SORCS3: variants seen among roughly 807,000 people sequenced by gnomAD.
SORCS3 encodes VPS10 domain-containing receptor SorCS3.
A neutral mutation model predicts 146.3 loss-of-function variants in SORCS3; 57 were observed. The observed-to-expected ratio is 0.39, with a 90% CI of 0.31 to 0.49. SORCS3 has a LOEUF of 0.49. SORCS3 is among the 20% of genes least tolerant of loss of function. The pLI, the probability that SORCS3 is intolerant of heterozygous loss-of-function variation, is 0.92. For missense variants in SORCS3, 1,341 were observed against 1,575.5 expected, an observed-to-expected ratio of 0.85 and a Z score of 2.52; for synonymous variants, 653 against 618.5, an observed-to-expected ratio of 1.06 and a Z score of -0.83.
chr10:104,668,012 G>A (rs1267837232), intron 1 of SORCS3, among the ~76,000 whole-genome samples: 1 of 152,186 alleles, frequency 6.6e-6, no homozygotes, highest in African/African-American at 2.4e-5. Context: ...TGCCACTTGA[G>A]TTCAAGGCGC....
chr10:104,807,844 T>G (rs1198513684), intron 1 of SORCS3, among the ~76,000 whole-genome samples: 2 of 152,184 alleles, frequency 1.3e-5, no homozygotes, highest in African/African-American at 4.8e-5. Flanking sequence ...AAAAAAAGGC[T>G]TCGTAATTTA....
intron 3 of SORCS3, among the ~76,000 whole-genome samples, chr10:104,957,814 G>A (rs748136022): frequency 8.6e-5 from 13 of 152,046 alleles, no homozygotes; most frequent in Non-Finnish European, 1.6e-4. Flanking sequence ...TCATTACAGA[G>A]ACTACCTGCC....
chr10:105,086,948 CA>C (rs2055665023), intron 5 of SORCS3, among the ~76,000 whole-genome samples: 2 of 152,178 alleles, frequency 1.3e-5, no homozygotes, highest in African/African-American at 4.8e-5. Context: ...GCTTTTGTTG[CA>C]ATTGCTTTTG....
chr10:104,974,632 G>T (rs555597796), intron 3 of SORCS3, among the ~76,000 whole-genome samples: 5 of 152,212 alleles, frequency 3.3e-5, no homozygotes, highest in South Asian at 4.2e-4. Context: ...ATACTGATGG[G>T]TCTTGACTCT....
At chr10:104,899,273 T>G (rs966295007) in intron 2 of SORCS3, among the ~76,000 whole-genome samples, 1 of 152,192 alleles carries the variant, frequency 6.6e-6, no homozygotes, top group Non-Finnish European at 1.5e-5. Flanking sequence ...TCTGGCACAT[T>G]AAAACTTACA....
chr10:104,897,329 T>C (rs925015600), intron 2 of SORCS3, among the ~76,000 whole-genome samples: 1 of 152,206 alleles, frequency 6.6e-6, no homozygotes, highest in East Asian at 1.9e-4. Context: ...AATTTTGTCT[T>C]TTCCAACAAT....
intron 10 of SORCS3, among the ~76,000 whole-genome samples, chr10:105,158,557 G>A (rs934704316): frequency 5.3e-5 from 8 of 152,098 alleles, no homozygotes; most frequent in Non-Finnish European, 1.2e-4. Flanking sequence ...GAGAATGTTA[G>A]TGTCATCCTG....
At chr10:104,958,940 G>A (rs2054773044) in intron 3 of SORCS3, among the ~76,000 whole-genome samples, 1 of 152,092 alleles carries the variant, frequency 6.6e-6, no homozygotes, top group South Asian at 2.1e-4. Flanking sequence ...CAGCATGGGA[G>A]AAACTGCCTC....
At chr10:104,812,484 G>A (rs975192167) in intron 1 of SORCS3, among the ~76,000 whole-genome samples, 1 of 152,086 alleles carries the variant, frequency 6.6e-6, no homozygotes, top group Non-Finnish European at 1.5e-5. Flanking sequence ...TATTTCCTTT[G>A]CCTTTTCTAC....
chr10:104,779,063 A>T (rs1051033103), intron 1 of SORCS3, among the ~76,000 whole-genome samples: 1 of 152,192 alleles, frequency 6.6e-6, no homozygotes, highest in Non-Finnish European at 1.5e-5. Flanking sequence ...TAACAATGGA[A>T]GCCAGTCATT....
chr10:105,181,834 G>A (rs2056444593), intron 14 of SORCS3, among the ~76,000 whole-genome samples: 2 of 152,164 alleles, frequency 1.3e-5, no homozygotes, highest in Non-Finnish European at 2.9e-5. Context: ...GCCTGTGGCT[G>A]TTGCAGCACT....
intron 1 of SORCS3, among the ~76,000 whole-genome samples, chr10:104,827,344 C>A (rs2017948435): frequency 6.6e-6 from 1 of 152,100 alleles, no homozygotes; most frequent in South Asian, 2.1e-4. Flanking sequence ...CTCCTTGACT[C>A]ACGGGTACAT....
At chr10:105,106,977 C>A (rs1241327780) in intron 7 of SORCS3, among the ~76,000 whole-genome samples, 1 of 152,064 alleles carries the variant, frequency 6.6e-6, no homozygotes, top group African/African-American at 2.4e-5. Context: ...CTGAGCAATC[C>A]CCTGGTTTTA....
rs1173811254 is a variant in SORCS3, at chr10:105,022,675, TC to T, written c.955-20378del. On this transcript the variant is annotated intron_variant, in intron 4 of 26. Coordinates refer to ENST00000369701, the MANE Select transcript of SORCS3 (RefSeq NM_014978.3). ...AAGAAATGACTTCTTAGAAATTTTA[TC>T]CAGAATGTCATTGTGGGACACACTG... Among the ~76,000 whole-genome samples the T allele has an allele frequency of 2.6e-5, 4 of 152,342 alleles. No homozygotes were observed. In the South Asian group the frequency reaches 6.2e-4, roughly 24 times the overall value.
intron 1 of SORCS3, among the ~76,000 whole-genome samples, chr10:104,723,925 A>G (rs995780771): frequency 2.0e-5 from 3 of 152,100 alleles, no homozygotes; most frequent in Non-Finnish European, 4.4e-5. Context: ...TTGACTCTTT[A>G]TCCAGTTTGC....
intron 5 of SORCS3, among the ~76,000 whole-genome samples, chr10:105,074,324 T>C (rs540595528): frequency 2.0e-5 from 3 of 152,218 alleles, no homozygotes; most frequent in Admixed American, 6.5e-5. Context: ...TAGTCTCTCA[T>C]TGATAAAATG....
intron 8 of SORCS3, among the ~76,000 whole-genome samples, chr10:105,140,700 G>A (rs373231191): frequency 1.7e-4 from 26 of 152,168 alleles, no homozygotes; most frequent in African/African-American, 4.8e-4. Context: ...AGACAGCACC[G>A]TTCATTCAAC....
intron 1 of SORCS3, among the ~76,000 whole-genome samples, chr10:104,723,252 G>A (rs192675456): frequency 8.9e-4 from 135 of 152,322 alleles, no homozygotes; most frequent in Middle Eastern, 3.4e-3. Context: ...TAGTCATTCA[G>A]GAGCAGGTTG....
intron 5 of SORCS3, among the ~76,000 whole-genome samples, chr10:105,063,855 T>G (rs2055504347): frequency 6.6e-6 from 1 of 152,178 alleles, no homozygotes. Flanking sequence ...GAGAAGTAGT[T>G]AGCCTAAAGT....
Sources: gnomAD v4.1 joint callset for allele counts (sites outside exome capture counted in the v4.1 genomes callset) on GRCh38, gnomAD v4.1.1 for gene constraint, MANE v1.5 for transcripts, NCBI Gene and HGNC (gene_info 2026-07-23, HGNC 2026-07-21) for gene names.